Variants in LMBR1 observed in about 807,000 individuals in gnomAD.
LMBR1 encodes limb region 1 protein homolog.
Under a neutral mutation model 73.9 loss-of-function variants are expected in LMBR1, and 52 were observed. The ratio of observed to expected loss-of-function variants is 0.70; its 90% CI spans 0.56 to 0.89. The LOEUF (loss-of-function observed/expected upper bound fraction) is 0.89, where lower values mean the gene tolerates loss of function less well. Ranked by LOEUF, LMBR1 falls within the 40% of genes least tolerant of loss-of-function variation. The pLI, the probability that LMBR1 is intolerant of heterozygous loss-of-function variation, is 0.00. For synonymous variants in LMBR1, 215 were observed against 209.4 expected (o/e 1.03, Z -0.23); for missense variants, 539 against 579.8 (o/e 0.93, Z 0.72).
intron 4 of LMBR1, among the ~76,000 whole-genome samples, chr7:156,816,013 T>G (rs1218448419): frequency 6.6e-6 from 1 of 151,864 alleles, no homozygotes; most frequent in Non-Finnish European, 1.5e-5. Flanking sequence ...TAATCATACA[T>G]GTCCCTTTTA....
In LMBR1 at chr7:156,762,258, T is replaced by TA. The variant is rs1823201373; in HGVS notation, c.620-61dup. ...ACATTATAGAGCTTGGAGAAAGAGATAAACAACTAGACTGTAAAAATAAGG... is the reference window on the plus strand; with the variant it reads ...ACATTATAGAGCTTGGAGAAAGAGATAAAACAACTAGACTGTAAAAATAAGG... On this transcript the variant is annotated intron_variant, in intron 7 of 16. Coordinates refer to ENST00000353442, the MANE Select transcript of LMBR1 (RefSeq NM_022458.4). 2.2e-5 allele frequency: 22 copies of TA among 1,020,748 alleles called. No individual in the cohort carries two copies. The South Asian group carries it at 2.4e-4, about 11-fold the overall frequency. 63.2% of individuals were successfully genotyped at this position (1,020,748 alleles called of 1,614,324 possible).
At chr7:156,831,084 C>G (rs1836590811) in intron 3 of LMBR1, among the ~76,000 whole-genome samples, 1 of 152,018 alleles carries the variant, frequency 6.6e-6, no homozygotes, top group South Asian at 2.1e-4. Flanking sequence ...AAGTGTGGCA[C>G]TTAGGGAAGG....
intron 5 of LMBR1, among the ~76,000 whole-genome samples, chr7:156,792,643 A>G (rs931333513): frequency 6.6e-6 from 1 of 152,280 alleles, no homozygotes; most frequent in Non-Finnish European, 1.5e-5. Flanking sequence ...AAAAGGACAT[A>G]GTCAACCCCC....
At chr7:156,700,846 A>G (rs1004525667) in intron 15 of LMBR1, among the ~76,000 whole-genome samples, 5 of 152,096 alleles carry the variant, frequency 3.3e-5, no homozygotes, top group African/African-American at 1.2e-4. Flanking sequence ...GTCTGTTTTC[A>G]TGCTGCTGCT....
At chr7:156,876,689 A>C (rs540524598) in intron 1 of LMBR1, among the ~76,000 whole-genome samples, 3 of 152,202 alleles carry the variant, frequency 2.0e-5, no homozygotes, top group Non-Finnish European at 4.4e-5. Context: ...AGACAAATAC[A>C]TGGAAATTAA....
rs1296226984 is a variant in LMBR1 at position 156,683,178 on chromosome 7, G to A, written c.*900C>T. On this transcript the variant is annotated 3_prime_UTR_variant, in exon 17 of 17. Coordinates refer to ENST00000353442, the MANE Select transcript of LMBR1 (RefSeq NM_022458.4). ...GAAGAAAGAGGAGTTTCTACCACTCGGCATTTATAGTTTTTATATGCATTG... is the reference window on the plus strand; with the variant it reads ...GAAGAAAGAGGAGTTTCTACCACTCAGCATTTATAGTTTTTATATGCATTG... 2 of 152,092 alleles carry A rather than the reference G, an allele frequency of 1.3e-5. No individual in the cohort carries two copies. The highest frequency in any genetic ancestry group is 1.3e-4 in the Admixed American group (2 of 15,274). 9.4% of individuals were successfully genotyped at this position (152,092 alleles called of 1,614,324 possible).
Position 156,680,399 on chromosome 7 carries a change from A to AGTGTGTGTGTGTGTGTGT in LMBR1, c.*3678_*3679insACACACACACACACACAC, listed in dbSNP as rs1331225134. Reference sequence around the variant, plus strand: ...GACAGAGAGAGAGAGAGAGAGAGAGAGAGAGTGTGTGTGTGTGTGTGTGTG... The same window carrying AGTGTGTGTGTGTGTGTGT: ...GACAGAGAGAGAGAGAGAGAGAGAGAGTGTGTGTGTGTGTGTGTGAGAGTGTGTGTGTGTGTGTGTGTG... On this transcript the variant is annotated 3_prime_UTR_variant, in exon 17 of 17. Transcript: ENST00000353442. 2.2e-5 allele frequency: 3 copies of AGTGTGTGTGTGTGTGTGT among 136,662 alleles called. No individual in the cohort carries two copies. Among genetic ancestry groups the AGTGTGTGTGTGTGTGTGT allele is most frequent in the African/African-American group, 8.8e-5 (3 of 34,034 alleles). The allele number at this position is 136,662 out of a possible 1,614,324, so 8.5% of individuals were successfully genotyped here. A position where few individuals can be genotyped will look rare whatever the true frequency, so the allele number is the denominator to read the frequency against.
At chr7:156,828,380 A>G (rs973278940) in intron 3 of LMBR1, among the ~76,000 whole-genome samples, 24 of 152,182 alleles carry the variant, frequency 1.6e-4, no homozygotes, top group African/African-American at 5.8e-4. Flanking sequence ...AGCATTCCTC[A>G]ACTTCACCTT....
intron 1 of LMBR1, among the ~76,000 whole-genome samples, chr7:156,873,488 C>A (rs528023519): frequency 1.5e-3 from 229 of 152,150 alleles, no homozygotes; most frequent in African/African-American, 5.2e-3. Flanking sequence ...AATGCTGGCT[C>A]GGGCAGCCTG....
At chr7:156,872,645 C>T (rs1479995558) in intron 1 of LMBR1, among the ~76,000 whole-genome samples, 1 of 149,008 alleles carries the variant, frequency 6.7e-6, no homozygotes, top group African/African-American at 2.5e-5. Context: ...AAAACTCCGT[C>T]TCAAAAAAAA....
Position 156,801,448 on chromosome 7 carries a change from C to A in LMBR1, c.320-4956G>T, listed in dbSNP as rs1189665434. 2.6e-5 allele frequency among the ~76,000 whole-genome samples: 4 copies of A among 152,182 alleles called. No homozygotes were observed. The East Asian group carries it at 7.7e-4, about 29-fold the overall frequency. On this transcript the variant is annotated intron_variant, in intron 4 of 16. Transcript: ENST00000353442. Reference sequence around the variant, plus strand: ...GAAATCAAAAAATTTGTGTGATTCACTTTATTGCCACATTCGCTTCATCAC... The same window carrying A: ...GAAATCAAAAAATTTGTGTGATTCAATTTATTGCCACATTCGCTTCATCAC...
chr7:156,705,810 T>C (rs1305919019), intron 15 of LMBR1, among the ~76,000 whole-genome samples: 1 of 151,090 alleles, frequency 6.6e-6, no homozygotes, highest in Non-Finnish European at 1.5e-5. Context: ...GAGAAGGGAA[T>C]CCAATGGCAA....
At chr7:156,671,568 G>A (rs1049000795) in intron 4 of LMBR1, among the ~76,000 whole-genome samples, 7 of 151,710 alleles carry the variant, frequency 4.6e-5, no homozygotes, top group South Asian at 2.1e-4. Flanking sequence ...ATCATAGGTC[G>A]AGACATTTAT....
Position 156,683,795 on chromosome 7 carries a change from G to A in LMBR1, c.*283C>T. Reference sequence around the variant, plus strand: ...AAACAATTTTTTCATATGGGTGATTGTATTTACCAACATGAGCAAATGTCT... The same window carrying A: ...AAACAATTTTTTCATATGGGTGATTATATTTACCAACATGAGCAAATGTCT... On this transcript the variant is annotated 3_prime_UTR_variant, in exon 17 of 17. Transcript: ENST00000353442. 3.4e-6 allele frequency: 1 copy of A among 294,840 alleles called. No homozygotes were observed. Among genetic ancestry groups the A allele is most frequent in the Non-Finnish European group, 6.2e-6 (1 of 161,354 alleles). 18.3% of individuals were successfully genotyped at this position (294,840 alleles called of 1,614,324 possible).
chr7:156,882,175 C>T (rs1801192162), intron 1 of LMBR1, among the ~76,000 whole-genome samples: 1 of 152,222 alleles, frequency 6.6e-6, no homozygotes, highest in African/African-American at 2.4e-5. Flanking sequence ...GGTATGATGG[C>T]TCATGCCTAT....
chr7:156,728,761 A>T (rs770126255), intron 10 of LMBR1, 41 bp from the exon 11 acceptor site: 1 of 1,381,140 alleles, frequency 7.2e-7, no homozygotes, highest in Non-Finnish European at 1.0e-6. Flanking sequence ...GTTTTCTCCA[A>T]ATTAACATTT....
chr7:156,863,982 T>C (rs1299475227), intron 1 of LMBR1, among the ~76,000 whole-genome samples: 1 of 151,854 alleles, frequency 6.6e-6, no homozygotes, highest in Non-Finnish European at 1.5e-5. Context: ...AAACCTCATC[T>C]CTACTAAAAA....
chr7:156,766,207 T>C (rs1268815388), intron 5 of LMBR1, among the ~76,000 whole-genome samples: 1 of 152,158 alleles, frequency 6.6e-6, no homozygotes, highest in African/African-American at 2.4e-5. Flanking sequence ...CTTAAGGTCG[T>C]ACAGCAGATG....
intron 9 of LMBR1, among the ~76,000 whole-genome samples, chr7:156,753,150 G>A (rs1585564595): frequency 6.6e-6 from 1 of 152,096 alleles, no homozygotes; most frequent in African/African-American, 2.4e-5. Context: ...AGGCACGAGC[G>A]GGTGAGGCAG....
Sources: allele counts gnomAD v4.1 joint callset (sites outside exome capture counted in the v4.1 genomes callset), GRCh38; gene constraint gnomAD v4.1.1; transcripts MANE v1.5; gene names NCBI Gene and HGNC (gene_info 2026-07-23, HGNC 2026-07-21).